Variants in PREP observed in about 807,000 individuals in gnomAD.
PREP encodes the protein dJ355L5.1 (prolyl endopeptidase).
In PREP, 29 loss-of-function variants were observed where a neutral mutation model predicts 87.6. The ratio of observed to expected loss-of-function variants is 0.33; its 90% CI spans 0.25 to 0.45. The LOEUF (loss-of-function observed/expected upper bound fraction) is 0.45. PREP is among the 20% of genes least tolerant of loss of function. The probability of loss-of-function intolerance (pLI) is 1.00; values close to 1 mark genes in which losing one functional copy is unlikely to be tolerated. For missense variants in PREP, 695 were observed against 886.5 expected (o/e 0.78, Z 2.74); for synonymous variants, 337 against 328.6 (o/e 1.03, Z -0.28).
chr6:105,318,984 T>C (rs1006520647), intron 10 of PREP, among the ~76,000 whole-genome samples: 1 of 152,196 alleles, frequency 6.6e-6, no homozygotes, highest in Non-Finnish European at 1.5e-5. Context: ...GCAAAGCCTA[T>C]ATGCTAGCAA....
intron 10 of PREP, among the ~76,000 whole-genome samples, chr6:105,311,786 T>C (rs1770765981): frequency 6.6e-6 from 1 of 152,206 alleles, no homozygotes; most frequent in East Asian, 1.9e-4. Flanking sequence ...CACCCATCAA[T>C]GCTGACAGAG....
chr6:105,391,803 G>T (rs1413374149), intron 2 of PREP, among the ~76,000 whole-genome samples: 2 of 152,268 alleles, frequency 1.3e-5, no homozygotes, highest in East Asian at 3.9e-4. Flanking sequence ...TGGGGTTTGG[G>T]GTTTGCTTGT....
chr6:105,382,187 A>T (rs763257864), intron 2 of PREP, among the ~76,000 whole-genome samples: 1 of 151,982 alleles, frequency 6.6e-6, no homozygotes, highest in Admixed American at 6.6e-5. Context: ...AGTTTCAGTT[A>T]GACAGGAGAA....
At chr6:105,286,694 G>T (rs1057068486) in intron 11 of PREP, among the ~76,000 whole-genome samples, 1 of 151,800 alleles carries the variant, frequency 6.6e-6, no homozygotes, top group Non-Finnish European at 1.5e-5. Flanking sequence ...AGGATGAACA[G>T]GAAAGGTCAG....
At chr6:105,296,242 T>A (rs1329904187) in intron 10 of PREP, among the ~76,000 whole-genome samples, 1 of 152,246 alleles carries the variant, frequency 6.6e-6, no homozygotes, top group Non-Finnish European at 1.5e-5. Flanking sequence ...AGTCATGTTA[T>A]ATTTTGTCCT....
chr6:105,336,911 T>G (rs575560840), intron 7 of PREP, among the ~76,000 whole-genome samples: 1 of 152,322 alleles, frequency 6.6e-6, no homozygotes, highest in African/African-American at 2.4e-5. Context: ...ATTATCGCTT[T>G]GGCTGTGTCT....
rs776787804 is a variant in PREP at position 105,288,818 on chromosome 6, G to C, written c.1394C>G (p.Ser465Cys). ...ATAGCCATATAAGAAAGCTGGATGA[G>C]AGCCATCCAATTTTATGCCTTTTTT... ...VHKKGIKLDG[S>C]HPAFLYGYGG... The change falls in exon 11 of 15, where the codon TCT (serine) becomes TGT (cysteine). Residue 465 changes from serine (S) to cysteine (C), a missense_variant. Physicochemically the swap from Ser to Cys is moderately radical, Grantham distance 112 (BLOSUM62 -1). Coordinates refer to ENST00000652536, the MANE Select transcript of PREP (RefSeq NM_002726.5). 1.2e-5 allele frequency: 19 copies of C among 1,613,982 alleles called. No individual in the cohort carries two copies. Among genetic ancestry groups the C allele is most frequent in the African/African-American group, 4.0e-5 (3 of 74,932 alleles).
chr6:105,299,117 C>G (rs1770478464), intron 10 of PREP, among the ~76,000 whole-genome samples: 1 of 152,218 alleles, frequency 6.6e-6, no homozygotes, highest in Non-Finnish European at 1.5e-5. Flanking sequence ...AGCCACAAGA[C>G]TGTGCCACCT....
Position 105,277,479 on chromosome 6 carries a change from C to CTAAG in PREP, c.*661_*664dup. ...AGCCCCAGATCAGATTTTTACCCAACTAAGTGGTCAGTGTTTGTTTATGAC... is the reference window on the plus strand; with the variant it reads ...AGCCCCAGATCAGATTTTTACCCAACTAAGTAAGTGGTCAGTGTTTGTTTATGAC... On this transcript the variant is annotated 3_prime_UTR_variant, in exon 15 of 15. Coordinates refer to ENST00000652536, the MANE Select transcript of PREP (RefSeq NM_002726.5). 6.6e-6 allele frequency: 1 copy of CTAAG among 152,028 alleles called. No individual in the cohort carries two copies. Among genetic ancestry groups the CTAAG allele is most frequent in the Non-Finnish European group, 1.5e-5 (1 of 68,048 alleles). 9.4% of individuals were successfully genotyped at this position (152,028 alleles called of 1,614,324 possible). A position where few individuals can be genotyped will look rare whatever the true frequency, so the allele number is the denominator to read the frequency against.
intron 7 of PREP, among the ~76,000 whole-genome samples, chr6:105,347,495 G>C (rs995083929): frequency 7.9e-5 from 12 of 152,176 alleles, no homozygotes; most frequent in African/African-American, 1.4e-4. Flanking sequence ...GAAGTTATTA[G>C]TATCTTCTGC....
chr6:105,296,570 G>A (rs1006058186), intron 10 of PREP, among the ~76,000 whole-genome samples: 2 of 151,842 alleles, frequency 1.3e-5, no homozygotes, highest in African/African-American at 4.8e-5. Context: ...TTTACATATG[G>A]TCTGGGATCT....
intron 10 of PREP, chr6:105,322,483 C>T: frequency 2.0e-6 from 2 of 985,488 alleles, no homozygotes; most frequent in Non-Finnish European, 1.2e-6. Context: ...CTTCTTGACC[C>T]TGTATGTCTT....
At chr6:105,315,757 C>T (rs111644351) in intron 10 of PREP, among the ~76,000 whole-genome samples, 8 of 152,356 alleles carry the variant, frequency 5.3e-5, no homozygotes, top group African/African-American at 1.7e-4. Context: ...TAACTTGCTG[C>T]AGCTTCTACA....
chr6:105,342,826 T>C (rs1437237808), intron 7 of PREP, among the ~76,000 whole-genome samples: 1 of 152,208 alleles, frequency 6.6e-6, no homozygotes, highest in East Asian at 1.9e-4. Context: ...TTACAAGGGA[T>C]GTGAAGGATC....
intron 2 of PREP, among the ~76,000 whole-genome samples, 183 bp from the exon 3 acceptor site, chr6:105,377,702 T>G (rs576810842): frequency 6.6e-6 from 1 of 152,352 alleles, no homozygotes; most frequent in South Asian, 2.1e-4. Context: ...GCCAAGTGAC[T>G]GATTAATATG....
chr6:105,359,966 A>G (rs1772203317), intron 6 of PREP, among the ~76,000 whole-genome samples: 1 of 152,106 alleles, frequency 6.6e-6, no homozygotes, highest in Admixed American at 6.5e-5. Context: ...TTTCTATCTC[A>G]GAGTCTGCTT....
chr6:105,346,597 T>C (rs1482833825), intron 7 of PREP, among the ~76,000 whole-genome samples: 1 of 152,242 alleles, frequency 6.6e-6, no homozygotes, highest in African/African-American at 2.4e-5. Context: ...TATTTCCTTA[T>C]AGAAATCAGC....
intron 2 of PREP, among the ~76,000 whole-genome samples, chr6:105,392,412 C>CCCATTTATA (rs1773176931): frequency 6.6e-6 from 1 of 152,084 alleles, no homozygotes; most frequent in Non-Finnish European, 1.5e-5. Context: ...ACTCTGATAT[C>CCCATTTATA]CCATTTATAC....
intron 10 of PREP, among the ~76,000 whole-genome samples, chr6:105,315,590 G>A (rs1344270354): frequency 6.6e-6 from 1 of 152,132 alleles, no homozygotes; most frequent in East Asian, 1.9e-4. Flanking sequence ...TTGGAACTTT[G>A]GAACTTTGAA....
Sources: gnomAD v4.1 joint callset for allele counts (sites outside exome capture counted in the v4.1 genomes callset) on GRCh38, gnomAD v4.1.1 for gene constraint, MANE v1.5 for transcripts, NCBI Gene and HGNC (gene_info 2026-07-23, HGNC 2026-07-21) for gene names.